C8orf74: variants seen among roughly 807,000 people sequenced by gnomAD.
The protein encoded by C8orf74 is uncharacterized protein C8orf74.
Under a neutral mutation model 22.2 loss-of-function variants are expected in C8orf74, and 29 were observed. That is an observed-to-expected ratio of 1.31 (90% CI 0.97 to 1.78). C8orf74 has a LOEUF of 1.78. C8orf74 is among the 40% of genes most tolerant of loss of function. The pLI is 0.00. For synonymous variants in C8orf74, 255 were observed against 163.1 expected (o/e 1.56, Z -4.30); for missense variants, 515 against 369.9 (o/e 1.39, Z -3.22).
chr8:10,694,770 G>T (rs114743585), intron 2 of C8orf74, among the ~76,000 whole-genome samples: 92 of 152,332 alleles, frequency 6.0e-4, no homozygotes, highest in African/African-American at 2.0e-3. Context: ...ATGAATGGAA[G>T]GATGGGTGAA....
rs1483327839 is a variant in C8orf74, at chr8:10,697,587, C to G, written c.242-12C>G. Reference sequence around the variant, plus strand: ...CCCACTCCCACTCTGTTCTTGGCCCCTGTGCCTACAGGCTGCTCCATTACT... The same window carrying G: ...CCCACTCCCACTCTGTTCTTGGCCCGTGTGCCTACAGGCTGCTCCATTACT... On this transcript the variant is annotated splice_polypyrimidine_tract_variant and intron_variant, in intron 2 of 3. Coordinates refer to ENST00000304519, the MANE Select transcript of C8orf74 (RefSeq NM_001040032.2). 2 of 1,609,332 alleles carry G rather than the reference C, an allele frequency of 1.2e-6. No individual in the cohort carries two copies. The highest frequency in any genetic ancestry group is 2.2e-5 in the East Asian group (1 of 44,890).
intron 2 of C8orf74, chr8:10,690,858 A>G (rs1251106875): frequency 2.2e-6 from 1 of 453,378 alleles, no homozygotes; most frequent in Non-Finnish European, 4.4e-6. Flanking sequence ...CTCGTGCTGC[A>G]TATCCTCGCA....
At chr8:10,691,233 G>T in intron 2 of C8orf74, 1 of 303,228 alleles carries the variant, frequency 3.3e-6, no homozygotes. Context: ...TGACCTCTTA[G>T]GAGCAGGTCA....
intron 2 of C8orf74, chr8:10,690,815 C>T (rs796467380): frequency 3.3e-5 from 15 of 453,904 alleles, no homozygotes; most frequent in African/African-American, 1.4e-4. Flanking sequence ...AAGCCTCCCC[C>T]GCCCTTCCCC....
intron 2 of C8orf74, among the ~76,000 whole-genome samples, chr8:10,686,912 A>G (rs1304802507): frequency 6.6e-6 from 1 of 152,198 alleles, no homozygotes; most frequent in Non-Finnish European, 1.5e-5. Flanking sequence ...TGTTTGAGTG[A>G]CCAGGAAAGA....
At chr8:10,698,308 C>A (rs1799576543) in intron 3 of C8orf74, among the ~76,000 whole-genome samples, 2 of 152,168 alleles carry the variant, frequency 1.3e-5, no homozygotes, top group Admixed American at 1.3e-4. Context: ...TAAGTTCCTT[C>A]CTCTGTGTCA....
At chr8:10,693,341 GA>G (rs1335928943) in intron 2 of C8orf74, among the ~76,000 whole-genome samples, 2 of 152,222 alleles carry the variant, frequency 1.3e-5, no homozygotes, top group Non-Finnish European at 2.9e-5. Context: ...AGCCCTTCCT[GA>G]CCTTCTTCCT....
intron 2 of C8orf74, among the ~76,000 whole-genome samples, chr8:10,684,050 G>A (rs1166459922): frequency 6.6e-6 from 1 of 152,198 alleles, no homozygotes; most frequent in Non-Finnish European, 1.5e-5. Context: ...GGAGCCCCGT[G>A]CTTCCAGGAG....
At chr8:10,686,890 T>C (rs531383653) in intron 2 of C8orf74, among the ~76,000 whole-genome samples, 1 of 152,206 alleles carries the variant, frequency 6.6e-6, no homozygotes, top group African/African-American at 2.4e-5. Context: ...CCAGCTGTCC[T>C]GTCCCCTTCA....
chr8:10,696,262 G>C (rs1009027617), intron 2 of C8orf74, among the ~76,000 whole-genome samples: 1 of 152,028 alleles, frequency 6.6e-6, no homozygotes, highest in African/African-American at 2.4e-5. Context: ...GAAGTGGGGA[G>C]ATGGGTCACC....
At chr8:10,681,282 C>T (rs1044828328) in intron 2 of C8orf74, among the ~76,000 whole-genome samples, 3 of 152,152 alleles carry the variant, frequency 2.0e-5, no homozygotes, top group Non-Finnish European at 4.4e-5. Flanking sequence ...TTTCCTTGTG[C>T]CTTCTTGGCC....
At chr8:10,680,304 C>T (rs1430701861) in intron 2 of C8orf74, among the ~76,000 whole-genome samples, 1 of 152,242 alleles carries the variant, frequency 6.6e-6, no homozygotes, top group Non-Finnish European at 1.5e-5. Flanking sequence ...GCCTCCGTTT[C>T]CACCTCTGTC....
At chr8:10,686,993 G>A in intron 2 of C8orf74, 1 of 421,226 alleles carries the variant, frequency 2.4e-6, no homozygotes, top group East Asian at 7.2e-5. Flanking sequence ...AGAATCACCA[G>A]GCAACCGCCA....
intron 2 of C8orf74, among the ~76,000 whole-genome samples, chr8:10,690,316 CCTAA>C (rs1346015652): frequency 6.6e-6 from 1 of 152,128 alleles, no homozygotes; most frequent in Non-Finnish European, 1.5e-5. Flanking sequence ...GTGGGTGCTC[CCTAA>C]CTGAGGGGAG....
At chr8:10,680,970 C>T (rs548139072) in intron 2 of C8orf74, among the ~76,000 whole-genome samples, 13 of 152,160 alleles carry the variant, frequency 8.5e-5, no homozygotes, top group African/African-American at 2.7e-4. Flanking sequence ...TTTCAGTCAT[C>T]TTGGAAAGCG....
At chr8:10,697,568 C>T (rs572750143) in intron 2 of C8orf74, 31 bp from the exon 3 acceptor site, 2 of 1,596,774 alleles carry the variant, frequency 1.3e-6, no homozygotes, top group Non-Finnish European at 1.7e-6. Context: ...CTGTCCCACT[C>T]CCACTCTGTT....
intron 2 of C8orf74, among the ~76,000 whole-genome samples, chr8:10,695,298 A>G (rs865776075): frequency 6.6e-5 from 10 of 152,260 alleles, no homozygotes; most frequent in Middle Eastern, 3.4e-3. Flanking sequence ...TATCTAAGAG[A>G]GACAGAGTAT....
chr8:10,699,369 C>A (rs1345784118), intron 3 of C8orf74, among the ~76,000 whole-genome samples: 4 of 152,220 alleles, frequency 2.6e-5, no homozygotes, highest in Non-Finnish European at 5.9e-5. Flanking sequence ...ACAACCTTCC[C>A]CAATAATGTT....
At chr8:10,699,009 C>T (rs1799594382) in intron 3 of C8orf74, among the ~76,000 whole-genome samples, 1 of 151,906 alleles carries the variant, frequency 6.6e-6, no homozygotes, top group South Asian at 2.1e-4. Flanking sequence ...GATAAGTCTC[C>T]AGACAAATAG....
Sources: gnomAD v4.1 joint callset for allele counts (sites outside exome capture counted in the v4.1 genomes callset) on GRCh38, gnomAD v4.1.1 for gene constraint, MANE v1.5 for transcripts, NCBI Gene and HGNC (gene_info 2026-07-23, HGNC 2026-07-21) for gene names.